Variants in NOC3L observed in about 807,000 individuals in gnomAD.
NOC3L encodes NOC3 like DNA replication regulator, also known as nucleolar complex protein 3 homolog.
A neutral mutation model predicts 102.5 loss-of-function variants in NOC3L; 85 were observed. That is an observed-to-expected ratio of 0.83 (90% CI 0.70 to 0.99). The LOEUF (loss-of-function observed/expected upper bound fraction) is 0.99, where lower values mean the gene tolerates loss of function less well. NOC3L is among the 50% of genes least tolerant of loss of function. NOC3L has a pLI of 0.00. For missense variants in NOC3L, 878 were observed against 914.9 expected (o/e 0.96, Z 0.52); for synonymous variants, 303 against 309.4 (o/e 0.98, Z 0.22).
chr10:94,338,678 AG>A lies in NOC3L; in HGVS notation c.2020del (p.Leu674PhefsTer30). On this transcript the variant is annotated frameshift_variant, in exon 18 of 21. Transcript: ENST00000371361. LOFTEE classifies it high-confidence loss of function. ...GTACTCAGGCTCATCCAGTTCAGGA[AG>A]GAAAACTCCACTTCCCTGAGATTCA... is the stretch of plus-strand genomic sequence containing the variant. ...DSESQGSGVFLPELDEPEYCN... is the reference protein window; with the variant it reads ...DSESQGSGVFXPELDEPEYCN... The A allele has an allele frequency of 6.2e-7, 1 of 1,613,492 alleles. No individual in the cohort carries two copies. Among genetic ancestry groups the A allele is most frequent in the Non-Finnish European group, 8.5e-7 (1 of 1,179,548 alleles).
chr10:94,315,555 G>A, the NOC3L span: 1 of 453,414 alleles, frequency 2.2e-6, no homozygotes, highest in East Asian at 7.0e-5. Context: ...GATCACTTGA[G>A]GTCAGGAATT....
intron 6 of NOC3L, among the ~76,000 whole-genome samples, 161 bp from the exon 7 acceptor site, chr10:94,353,218 A>G (rs901645533): frequency 2.0e-5 from 3 of 152,236 alleles, no homozygotes; most frequent in African/African-American, 7.2e-5. Flanking sequence ...TTACCAAGAG[A>G]TAAGTCACTA....
the NOC3L span, among the ~76,000 whole-genome samples, chr10:94,315,727 G>A: frequency 1.4e-4 from 20 of 142,324 alleles, no homozygotes; most frequent in Admixed American, 1.3e-3. Flanking sequence ...CCGAGATCAC[G>A]CCACTGCACT....
rs1362804127 is a variant in NOC3L, at chr10:94,334,360, C to G, written c.2275-55G>C. The G allele has an allele frequency of 1.5e-5, 18 of 1,173,506 alleles. No homozygotes were observed. In the South Asian group the frequency reaches 2.3e-4, roughly 15 times the overall value. The allele number at this position is 1,173,506 out of a possible 1,614,324, so 72.7% of individuals were successfully genotyped here. A position where few individuals can be genotyped will look rare whatever the true frequency, so the allele number is the denominator to read the frequency against. ...AGTTACTTATGCTATAAGCTAAAGC[C>G]AACCTGTGAACCAAGTTGAAAATGG... On this transcript the variant is annotated intron_variant, in intron 20 of 20. Coordinates refer to ENST00000371361, the MANE Select transcript of NOC3L (RefSeq NM_022451.11).
At chr10:94,350,734 A>AT (rs61519809) in intron 8 of NOC3L, among the ~76,000 whole-genome samples, 1 of 144,430 alleles carries the variant, frequency 6.9e-6, no homozygotes, top group Non-Finnish European at 1.5e-5. Context: ...AAAAAAAAAA[A>AT]GAAGAAGAAA....
At chr10:94,352,494 A>C in intron 7 of NOC3L, 91 bp from the exon 8 acceptor site, 2 of 817,636 alleles carry the variant, frequency 2.4e-6, no homozygotes, top group Admixed American at 5.3e-5. Flanking sequence ...GTATACACCC[A>C]GTACTATTTA....
In NOC3L at chr10:94,346,512, CACTTCT is replaced by C. The variant is rs2054345560; in HGVS notation, c.1296_1301del (p.Glu433_Val434del). ...TATTAATGTCTTCTGTATCTTTTTT[CACTTCT>C]ACTTCCTTGATTCTTAGGCATAAAA... On this transcript the variant is annotated inframe_deletion, in exon 11 of 21. Coordinates refer to ENST00000371361, the MANE Select transcript of NOC3L (RefSeq NM_022451.11). 6.9e-7 allele frequency: 1 copy of C among 1,457,690 alleles called. No homozygotes were observed. The highest frequency in any genetic ancestry group is 9.2e-7 in the Non-Finnish European group (1 of 1,084,200). 90.3% of individuals were successfully genotyped at this position (1,457,690 alleles called of 1,614,324 possible).
At chr10:94,360,619 G>GA (rs950541576) in intron 2 of NOC3L, among the ~76,000 whole-genome samples, 2 of 151,986 alleles carry the variant, frequency 1.3e-5, no homozygotes, top group African/African-American at 4.8e-5. Flanking sequence ...AATACACTTA[G>GA]AAAAAGATCT....
At chr10:94,356,663 A>G (rs12771055) in intron 4 of NOC3L, 72 bp from the exon 5 acceptor site, 131,341 of 911,732 alleles carry the variant, frequency 0.14, 10,749 homozygotes, top group Middle Eastern at 0.21. Context: ...AAATGCTAGG[A>G]GGTGATTACG....
the NOC3L span, chr10:94,324,904 G>A: frequency 6.2e-7 from 1 of 1,614,154 alleles, no homozygotes; most frequent in Non-Finnish European, 8.5e-7. Flanking sequence ...ATCTCGAGAA[G>A]ATAAAAAGAA....
intron 1 of NOC3L, among the ~76,000 whole-genome samples, chr10:94,362,263 A>G (rs1589580783): frequency 6.6e-6 from 1 of 152,230 alleles, no homozygotes; most frequent in South Asian, 2.1e-4. Context: ...CCAACAAATC[A>G]CCTCTAACAG....
chr10:94,320,291 T>C, the NOC3L span, among the ~76,000 whole-genome samples: 2 of 152,158 alleles, frequency 1.3e-5, no homozygotes, highest in African/African-American at 2.4e-5. Context: ...TATTCATTCA[T>C]GGGAAAAAAA....
the NOC3L span, among the ~76,000 whole-genome samples, chr10:94,327,762 A>G: frequency 1.3e-5 from 2 of 152,190 alleles, no homozygotes; most frequent in Non-Finnish European, 2.9e-5. Flanking sequence ...AGAATGTGAA[A>G]TATTTATTTC....
chr10:94,334,695 G>T lies in NOC3L; in HGVS notation c.2213C>A (p.Ala738Glu), dbSNP rs1267694922. ...SRRSATELFE[A>E]YSMAEMTFNP... Reference sequence around the variant, plus strand: ...GAATGTCATTTCTGCCATGCTATATGCCTCAAAAAGTTCAGTAGCAGATCT... The same window carrying T: ...GAATGTCATTTCTGCCATGCTATATTCCTCAAAAAGTTCAGTAGCAGATCT... Residue 738 changes from alanine (A) to glutamate (E), a missense_variant, in exon 20 of 21, where the codon GCA becomes GAA. Ala to Glu is a moderately radical substitution (Grantham distance 107). Transcript: ENST00000371361. 1 of 1,612,642 alleles carries T rather than the reference G, an allele frequency of 6.2e-7. No individual in the cohort carries two copies. Among genetic ancestry groups the T allele is most frequent in the Middle Eastern group, 1.7e-4 (1 of 6,046 alleles).
At chr10:94,321,160 C>T in the NOC3L span, among the ~76,000 whole-genome samples, 1,810 of 152,290 alleles carry the variant, frequency 0.012, 16 homozygotes, top group Middle Eastern at 0.031. Flanking sequence ...GTTCACCCAA[C>T]CTGTCAATTT....
rs553109310 is a variant in NOC3L, at chr10:94,357,206, C to T, written c.476G>A (p.Ser159Asn). Residue 159 changes from serine to asparagine, a missense_variant, in exon 4 of 21, where the codon AGT becomes AAT. Coordinates refer to ENST00000371361, the MANE Select transcript of NOC3L (RefSeq NM_022451.11). ...CTCCCTAGTCTGTGGGATTATACCA[C>T]TTTTATCTTTGATAGGAAGTAAATG... ...LIHLLPIKDK[S>N]GIIPQTREKP... 1.3e-6 allele frequency: 2 copies of T among 1,599,224 alleles called. No individual in the cohort carries two copies. Among genetic ancestry groups the T allele is most frequent in the South Asian group, 2.3e-5 (2 of 88,006 alleles).
intron 2 of NOC3L, among the ~76,000 whole-genome samples, chr10:94,359,623 C>G (rs1471842106): frequency 6.6e-6 from 1 of 152,012 alleles, no homozygotes; most frequent in Non-Finnish European, 1.5e-5. Flanking sequence ...AAATGGCAAA[C>G]AGGTATATGA....
chr10:94,354,057 C>T (rs1338170201), intron 6 of NOC3L, among the ~76,000 whole-genome samples: 2 of 152,108 alleles, frequency 1.3e-5, no homozygotes, highest in Non-Finnish European at 2.9e-5. Context: ...AGATCAATCT[C>T]TTATGCCTAT....
intron 7 of NOC3L, among the ~76,000 whole-genome samples, chr10:94,352,658 C>G (rs562900385): frequency 6.6e-6 from 1 of 152,210 alleles, no homozygotes; most frequent in African/African-American, 2.4e-5. Context: ...CCCGTCTCTA[C>G]TAAAAGCACA....
Sources: gnomAD v4.1 joint callset for allele counts (sites outside exome capture counted in the v4.1 genomes callset) on GRCh38, gnomAD v4.1.1 for gene constraint, MANE v1.5 for transcripts, NCBI Gene and HGNC (gene_info 2026-07-23, HGNC 2026-07-21) for gene names.